The following RNF213 variants were observed in gnomAD, a reference collection of about 807,000 sequenced individuals.
RNF213 encodes ring finger protein 213.
RNF213 carries 341 observed loss-of-function variants against 514.4 expected under a neutral mutation model. The ratio of observed to expected loss-of-function variants is 0.66; its 90% CI spans 0.61 to 0.73. RNF213 has a LOEUF of 0.73. Among genes scored for constraint, RNF213 ranks in the 30% least tolerant of loss-of-function variants. RNF213 has a pLI of 0.00. For missense variants in RNF213, 5,767 were observed against 6,615.6 expected, an observed-to-expected ratio of 0.87 and a Z score of 4.45; for synonymous variants, 2,655 against 2,658.2, an observed-to-expected ratio of 1.00 and a Z score of 0.04.
rs1399299861 is a variant in RNF213, at chr17:80,396,608, T to C, written c.*3110T>C. On this transcript the variant is annotated 3_prime_UTR_variant, in exon 68 of 68. Coordinates refer to ENST00000582970, the MANE Select transcript of RNF213 (RefSeq NM_001256071.3). ...TCGAGCTGAGTAACAATCCAAGCCA[T>C]GATTAGCATTTATATTGCATTCTGC... is the stretch of plus-strand genomic sequence containing the variant. 1 of 152,180 alleles carries C rather than the reference T, an allele frequency of 6.6e-6. No individual in the cohort carries two copies. The highest frequency in any genetic ancestry group is 6.5e-5 in the Admixed American group (1 of 15,280). 9.4% of individuals were successfully genotyped at this position (152,180 alleles called of 1,614,324 possible). A position where few individuals can be genotyped will look rare whatever the true frequency, so the allele number is the denominator to read the frequency against.
Position 80,377,784 on chromosome 17 carries a change from C to T in RNF213, c.13533C>T (p.Cys4511=), listed in dbSNP as rs1238988814. 1.9e-6 allele frequency: 3 copies of T among 1,614,028 alleles called. No individual in the cohort carries two copies. The highest frequency in any genetic ancestry group is 2.5e-6 in the Non-Finnish European group (3 of 1,180,034). ...CAGCTTGTCCCAACGGCCATCCTTG[C>T]TCCGTGGGAGAGGTGAGTCTTGGTA... is the stretch of plus-strand genomic sequence containing the variant. ...HWYTCPNGHP[C]SVGECGRPME... Residue 4511 remains cysteine, a synonymous_variant, in exon 54 of 68, where the codon TGC becomes TGT. Transcript: ENST00000582970. This position sits in a 1 kb window ranked among gnomAD's most constrained non-coding sequence, Gnocchi z 4.1.
Position 80,386,751 on chromosome 17 carries a change from G to A in RNF213, c.14782G>A (p.Asp4928Asn). ...TGTCATCAGTTATGAAGTGGAGCGG[G>A]ACCTGACTCCACTGATTCTCTCCAA... ...LHVISYEVERDLTPLILSNCQ... is the reference protein window; with the variant it reads ...LHVISYEVERNLTPLILSNCQ... The change falls in exon 63 of 68, where the codon GAC becomes AAC. Residue 4928 changes from aspartate (D) to asparagine (N), a missense_variant. Physicochemically the swap from Asp to Asn is conservative, Grantham distance 23. This residue lies in a region of RNF213 where 1,245 missense variants were observed against 1,339.0 expected (regional missense o/e 0.93). Transcript: ENST00000582970. The A allele has an allele frequency of 6.2e-7, 1 of 1,614,206 alleles. No individual in the cohort carries two copies. Among genetic ancestry groups the A allele is most frequent in the Non-Finnish European group, 8.5e-7 (1 of 1,180,036 alleles).
intron 11 of RNF213, among the ~76,000 whole-genome samples, chr17:80,304,223 T>C (rs1435281938): frequency 6.6e-6 from 1 of 152,120 alleles, no homozygotes; most frequent in Non-Finnish European, 1.5e-5. Flanking sequence ...TAGGGAGCCT[T>C]GCTTTATTTC....
At chr17:80,274,609 T>G (rs1598893717) in intron 3 of RNF213, among the ~76,000 whole-genome samples, 4 of 5,550 alleles carry the variant, frequency 7.2e-4, no homozygotes, top group South Asian at 5.4e-3. Context: ...GGGGTGAGTG[T>G]GGGGGGTGAG....
chr17:80,370,369 A>G (rs2079468181), intron 46 of RNF213, among the ~76,000 whole-genome samples: 1 of 152,208 alleles, frequency 6.6e-6, no homozygotes, highest in Admixed American at 6.5e-5. Flanking sequence ...AAGTGTTGGT[A>G]TGGACCCTTG....
At chr17:80,384,961 C>T in intron 59 of RNF213, 78 bp from the exon 60 acceptor site, 2 of 1,439,568 alleles carry the variant, frequency 1.4e-6, no homozygotes, top group Non-Finnish European at 2.0e-6. Flanking sequence ...AGTCTCGCAG[C>T]CAGTCTCAAA....
In RNF213 at chr17:80,339,412, A is replaced by G; in HGVS notation, c.5045A>G (p.His1682Arg). Residue 1682 changes from histidine (H) to arginine (R), a missense_variant, in exon 26 of 68, where the codon CAC becomes CGC. This residue lies in a region of RNF213 where 1,377 missense variants were observed against 1,635.2 expected (regional missense o/e 0.84). Transcript: ENST00000582970. ...LLAALCRQME[H>R]FLDSWKRFVT... ...GCAGCCCTCTGCAGGCAGATGGAGC[A>G]CTTCCTTGACAGCTGGAAGAGATTT... 6.5e-7 allele frequency: 1 copy of G among 1,537,238 alleles called. No individual in the cohort carries two copies. Among genetic ancestry groups the G allele is most frequent in the Non-Finnish European group, 8.7e-7 (1 of 1,146,912 alleles).
chr17:80,324,520 C>G (rs1283986750), intron 17 of RNF213, among the ~76,000 whole-genome samples: 3 of 151,688 alleles, frequency 2.0e-5, no homozygotes, highest in Non-Finnish European at 4.4e-5. Flanking sequence ...TATAAATTAA[C>G]CTTGTGGTTT....
Position 80,373,028 on chromosome 17 carries a change from C to G in RNF213, c.12805C>G (p.Arg4269Gly). ...YLQQVKQFCI[R>G]VENDWHRVYL... The stretch of plus-strand genomic sequence containing the variant: ...GCAGCAAGTCAAGCAGTTCTGTATC[C>G]GGGTGGAGAACGACTGGCACCGGGT... Residue 4269 changes from arginine (R) to glycine (G), a missense_variant, in exon 49 of 68, where the codon CGG (arginine) becomes GGG (glycine). Transcript: ENST00000582970. 6.2e-7 allele frequency: 1 copy of G among 1,613,966 alleles called. No homozygotes were observed. The highest frequency in any genetic ancestry group is 8.5e-7 in the Non-Finnish European group (1 of 1,179,984).
At position 80,377,337 on chromosome 17, in the gene RNF213, G is replaced by C. The variant is rs183655048; in HGVS notation, c.13510+374G>C. 2.6e-5 allele frequency among the ~76,000 whole-genome samples: 4 copies of C among 151,914 alleles called. No homozygotes were observed. The highest frequency in any genetic ancestry group is 9.7e-5 in the African/African-American group (4 of 41,346). On this transcript the variant is annotated intron_variant, in intron 53 of 67. Transcript: ENST00000582970. This position sits in a 1 kb window ranked among gnomAD's most constrained non-coding sequence, Gnocchi z 4.1. ...TCTGAAATATATGAAATATAGAACCGGGAGACTGACTCATATAACCCATGA... is the reference window on the plus strand; with the variant it reads ...TCTGAAATATATGAAATATAGAACCCGGAGACTGACTCATATAACCCATGA...
chr17:80,313,819 TGGTGGTGGTGGA>T (rs2045688163), intron 15 of RNF213, among the ~76,000 whole-genome samples: 1 of 50,884 alleles, frequency 2.0e-5, no homozygotes, highest in Non-Finnish European at 4.4e-5. Context: ...ATGGAGGTGA[TGGTGGTGGTGGA>T]GGTGATGGTG....
chr17:80,390,261 CTA>C, intron 67 of RNF213, 65 bp downstream of exon 67: 2 of 1,505,610 alleles, frequency 1.3e-6, no homozygotes, highest in Non-Finnish European at 1.8e-6. Context: ...CTGTGATCTT[CTA>C]TAGACACAAA....
intron 21 of RNF213, 72 bp from the exon 22 acceptor site, chr17:80,334,033 A>G: frequency 6.6e-7 from 1 of 1,519,566 alleles, no homozygotes; most frequent in Non-Finnish European, 8.8e-7. Context: ...TGGGACGGTC[A>G]GTGCTTGCAG....
intron 17 of RNF213, chr17:80,321,584 C>T (rs914232230): frequency 2.6e-5 from 4 of 152,126 alleles, no homozygotes; most frequent in East Asian, 1.9e-4. Context: ...ACTGTCCGGC[C>T]GAGTCCCACA....
chr17:80,387,009 C>T, intron 63 of RNF213, 118 bp downstream of exon 63: 1 of 1,001,054 alleles, frequency 1.0e-6, no homozygotes, highest in Admixed American at 2.0e-5. Flanking sequence ...GTCTGTATCT[C>T]CTCCCTCACA....
rs896280992 is a variant in RNF213 at position 80,398,612 on chromosome 17, G to A, written c.*5114G>A. 1.0e-4 allele frequency: 4 copies of A among 38,140 alleles called. No homozygotes were observed. Among genetic ancestry groups the A allele is most frequent in the Non-Finnish European group, 1.7e-4 (3 of 17,156 alleles). The allele number at this position is 38,140 out of a possible 1,614,324, so 2.4% of individuals were successfully genotyped here. A position where few individuals can be genotyped will look rare whatever the true frequency, so the allele number is the denominator to read the frequency against. On this transcript the variant is annotated 3_prime_UTR_variant, in exon 68 of 68. Coordinates refer to ENST00000582970, the MANE Select transcript of RNF213 (RefSeq NM_001256071.3). ...CTGGTTTTAGACTCCCCACCCGCCCGCCCCAACAGTGGTTGAGAGAACAGC... is the reference window on the plus strand; with the variant it reads ...CTGGTTTTAGACTCCCCACCCGCCCACCCCAACAGTGGTTGAGAGAACAGC...
rs1301167884 is a variant in RNF213 at position 80,346,420 on chromosome 17, C to G, written c.8085C>G (p.Ala2695=). ...TGGCCATCGGGGTGTGTTACCATGC[C>G]TCTTTAGAAAAGAAAGACTCATATC... ...LMLAIGVCYH[A]SLEKKDSYRK... The change falls in exon 29 of 68, where the codon GCC becomes GCG. Residue 2695 remains alanine (A), a synonymous_variant. Transcript: ENST00000582970. The surrounding 1 kb of genome is among the most constrained non-coding windows in gnomAD (Gnocchi z 8.1). 14 of 1,613,496 alleles carry G rather than the reference C, an allele frequency of 8.7e-6. No individual in the cohort carries two copies. Among genetic ancestry groups the G allele is most frequent in the Non-Finnish European group, 1.2e-5 (14 of 1,180,018 alleles).
chr17:80,379,341 G>A (rs2079891573), intron 54 of RNF213: 2 of 461,708 alleles, frequency 4.3e-6, no homozygotes, highest in Non-Finnish European at 8.0e-6. Flanking sequence ...AGAAAGGAAG[G>A]TTGAATTTTA....
chr17:80,286,577 G>A (rs2143191749), intron 3 of RNF213, among the ~76,000 whole-genome samples: 1 of 152,238 alleles, frequency 6.6e-6, no homozygotes, highest in Non-Finnish European at 1.5e-5. Flanking sequence ...ATGGGATCCT[G>A]TGGCGCTTCC....
Sources: allele counts gnomAD v4.1 joint callset (sites outside exome capture counted in the v4.1 genomes callset), GRCh38; gene constraint gnomAD v4.1.1; regional missense constraint gnomAD v4.1.1; non-coding constraint Gnocchi (gnomAD v3.1); transcripts MANE v1.5; gene names NCBI Gene and HGNC (gene_info 2026-07-23, HGNC 2026-07-21).